The following NKAIN3 variants were observed in gnomAD, a reference collection of about 807,000 sequenced individuals.
NKAIN3 encodes the protein sodium/potassium transporting ATPase interacting 3.
NKAIN3 carries 25 observed loss-of-function variants against 30.2 expected under a neutral mutation model. The observed-to-expected ratio is 0.83, with a 90% CI of 0.60 to 1.16. The LOEUF (loss-of-function observed/expected upper bound fraction) is 1.16. Among genes scored for constraint, NKAIN3 ranks in the 50% most tolerant of loss-of-function variants. The pLI, the probability that NKAIN3 is intolerant of heterozygous loss-of-function variation, is 0.00. For missense variants in NKAIN3, 225 were observed against 254.1 expected (o/e 0.89, Z 0.78); for synonymous variants, 91 against 89.6 (o/e 1.02, Z -0.09).
rs543865852 is a variant in NKAIN3 at position 62,636,874 on chromosome 8, G to T, written c.273+47080G>T. On this transcript the variant is annotated intron_variant, in intron 3 of 6. Coordinates refer to ENST00000623646, the MANE Select transcript of NKAIN3 (RefSeq NM_001304533.3). The stretch of plus-strand genomic sequence containing the variant: ...AATTGATATTTGAAAATGCCTAATA[G>T]TTACCTAAACTCATTTTATTGTGAT... Among the ~76,000 whole-genome samples the T allele has an allele frequency of 2.2e-4, 34 of 152,214 alleles. No homozygotes were observed. The East Asian group carries it at 5.4e-3, about 24-fold the overall frequency.
intron 3 of NKAIN3, among the ~76,000 whole-genome samples, chr8:62,598,798 G>C (rs1341822026): frequency 6.6e-6 from 1 of 152,054 alleles, no homozygotes; most frequent in Non-Finnish European, 1.5e-5. Flanking sequence ...AGCTTAGGTA[G>C]ACACTGGAGG....
chr8:62,526,629 T>TA (rs1808311794), intron 1 of NKAIN3, among the ~76,000 whole-genome samples: 1 of 152,124 alleles, frequency 6.6e-6, no homozygotes, highest in Non-Finnish European at 1.5e-5. Context: ...CTGAAAATCT[T>TA]ACTAGATGGA....
intron 1 of NKAIN3, among the ~76,000 whole-genome samples, chr8:62,483,963 TTGCAGACACAATC>T (rs1204432646): frequency 1.3e-5 from 2 of 152,180 alleles, no homozygotes; most frequent in African/African-American, 4.8e-5. Flanking sequence ...ACCGTCTACC[TTGCAGACACAATC>T]AGCAAACAGA....
intron 1 of NKAIN3, among the ~76,000 whole-genome samples, chr8:62,346,895 G>T (rs1353100676): frequency 6.6e-6 from 1 of 152,104 alleles, no homozygotes; most frequent in Non-Finnish European, 1.5e-5. Flanking sequence ...AGGAGCAAAT[G>T]AATGACATAA....
chr8:62,263,565 G>C (rs1234411045), intron 1 of NKAIN3, among the ~76,000 whole-genome samples: 1 of 152,116 alleles, frequency 6.6e-6, no homozygotes, highest in Non-Finnish European at 1.5e-5. Flanking sequence ...TATGGGTGAA[G>C]AATCACAACT....
intron 3 of NKAIN3, among the ~76,000 whole-genome samples, chr8:62,597,820 G>T (rs1350011267): frequency 2.0e-5 from 3 of 151,786 alleles, no homozygotes; most frequent in African/African-American, 7.3e-5. Context: ...TTGGTTTACA[G>T]ATGATTTTAG....
chr8:62,882,640 T>A (rs1821022107), intron 4 of NKAIN3, among the ~76,000 whole-genome samples: 1 of 152,128 alleles, frequency 6.6e-6, no homozygotes, highest in South Asian at 2.1e-4. Flanking sequence ...TAAAAAGATA[T>A]TGCCATACCC....
intron 1 of NKAIN3, among the ~76,000 whole-genome samples, chr8:62,372,684 T>C (rs1309274325): frequency 1.3e-5 from 2 of 152,048 alleles, no homozygotes; most frequent in Non-Finnish European, 2.9e-5. Context: ...TTGTTCTCAA[T>C]TCATTTTTAT....
intron 3 of NKAIN3, among the ~76,000 whole-genome samples, chr8:62,717,320 A>G (rs1037757164): frequency 7.2e-5 from 11 of 152,204 alleles, no homozygotes; most frequent in East Asian, 3.8e-4. Context: ...GATATTAACT[A>G]TAACATATTA....
At chr8:62,537,089 T>C (rs1361039432) in intron 1 of NKAIN3, among the ~76,000 whole-genome samples, 1 of 152,208 alleles carries the variant, frequency 6.6e-6, no homozygotes, top group East Asian at 1.9e-4. Context: ...AGTTACCTTA[T>C]GTCTTTACTT....
chr8:62,666,910 C>T (rs1355368289), intron 3 of NKAIN3, among the ~76,000 whole-genome samples: 2 of 152,044 alleles, frequency 1.3e-5, no homozygotes, highest in Non-Finnish European at 2.9e-5. Flanking sequence ...TCCTCTGATG[C>T]ACATGCCCAA....
chr8:62,559,648 A>G (rs149843449), intron 1 of NKAIN3, among the ~76,000 whole-genome samples: 9 of 151,976 alleles, frequency 5.9e-5, no homozygotes, highest in Non-Finnish European at 1.0e-4. Context: ...TTATTGTTTT[A>G]CCATTTCAGG....
chr8:62,380,096 A>G (rs1013711560), intron 1 of NKAIN3, among the ~76,000 whole-genome samples: 7 of 152,212 alleles, frequency 4.6e-5, no homozygotes, highest in African/African-American at 1.7e-4. Context: ...CTAGTACTTT[A>G]ACATGTATTG....
intron 4 of NKAIN3, among the ~76,000 whole-genome samples, chr8:62,755,258 G>A (rs990831886): frequency 1.3e-5 from 2 of 152,180 alleles, no homozygotes; most frequent in African/African-American, 4.8e-5. Context: ...TGAGAAAAGA[G>A]GACTTCTCCT....
chr8:62,409,887 T>G (rs1320959535), intron 1 of NKAIN3, among the ~76,000 whole-genome samples: 2 of 152,174 alleles, frequency 1.3e-5, no homozygotes, highest in Non-Finnish European at 2.9e-5. Flanking sequence ...GGCTCACTTT[T>G]TATTAAATAT....
At chr8:62,319,136 A>G (rs988151587) in intron 1 of NKAIN3, among the ~76,000 whole-genome samples, 31 of 152,162 alleles carry the variant, frequency 2.0e-4, no homozygotes, top group South Asian at 4.1e-4. Flanking sequence ...TGTTTATAGT[A>G]TTCTCTGATG....
At chr8:62,830,496 G>A (rs1201880856) in intron 4 of NKAIN3, among the ~76,000 whole-genome samples, 1 of 152,054 alleles carries the variant, frequency 6.6e-6, no homozygotes, top group African/African-American at 2.4e-5. Context: ...CACATTATAA[G>A]GGCCCAATTA....
At position 62,869,811 on chromosome 8, in the gene NKAIN3, A is replaced by C. The variant is rs1259188303; in HGVS notation, c.472-48642A>C. ...GAGACAGAGTCTAGCTCTGTTGCCC[A>C]GGCTGGAGTGCAGTGGCGCGATCTC... On this transcript the variant is annotated intron_variant, in intron 4 of 6. Coordinates refer to ENST00000623646, the MANE Select transcript of NKAIN3 (RefSeq NM_001304533.3). Among the ~76,000 whole-genome samples, 3 of 152,070 alleles carry C rather than the reference A, an allele frequency of 2.0e-5. No homozygotes were observed. In the East Asian group the frequency reaches 5.8e-4, roughly 29 times the overall value.
chr8:62,789,739 A>G (rs540492996), intron 4 of NKAIN3, among the ~76,000 whole-genome samples: 15 of 152,252 alleles, frequency 9.9e-5, no homozygotes, highest in African/African-American at 3.6e-4. Flanking sequence ...CTGGACACAT[A>G]CACTCTCCCA....
Sources: allele counts gnomAD v4.1 joint callset (sites outside exome capture counted in the v4.1 genomes callset), GRCh38; gene constraint gnomAD v4.1.1; transcripts MANE v1.5; gene names NCBI Gene and HGNC (gene_info 2026-07-23, HGNC 2026-07-21).